The following HS6ST3 variants were observed in gnomAD, a reference collection of about 807,000 sequenced individuals.
HS6ST3 encodes heparan sulfate 6-O-sulfotransferase 3.
A neutral mutation model predicts 36.7 loss-of-function variants in HS6ST3; 12 were observed. That is an observed-to-expected ratio of 0.33 (90% CI 0.21 to 0.53). The LOEUF (loss-of-function observed/expected upper bound fraction) is 0.53. Among genes scored for constraint, HS6ST3 ranks in the 20% least tolerant of loss-of-function variants. The pLI, the probability that HS6ST3 is intolerant of heterozygous loss-of-function variation, is 0.95. For synonymous variants in HS6ST3, 240 were observed against 257.5 expected (o/e 0.93, Z 0.65); for missense variants, 584 against 640.9 (o/e 0.91, Z 0.96).
intron 1 of HS6ST3, among the ~76,000 whole-genome samples, chr13:96,535,679 T>C (rs1480918828): frequency 6.6e-6 from 1 of 151,992 alleles, no homozygotes; most frequent in East Asian, 1.9e-4. Flanking sequence ...AGTGAATAAT[T>C]AATATAATGG....
At chr13:96,143,850 G>C (rs1006258345) in intron 1 of HS6ST3, among the ~76,000 whole-genome samples, 2 of 152,132 alleles carry the variant, frequency 1.3e-5, no homozygotes, top group African/African-American at 4.8e-5. Flanking sequence ...GGATGATAGA[G>C]GGGGAGCAAT....
At chr13:96,436,104 C>T (rs914326392) in intron 1 of HS6ST3, among the ~76,000 whole-genome samples, 8 of 152,142 alleles carry the variant, frequency 5.3e-5, no homozygotes, top group Non-Finnish European at 1.2e-4. Flanking sequence ...TTAGAATGCC[C>T]AAGCACTCAT....
chr13:96,110,029 G>C (rs2053860558), intron 1 of HS6ST3, among the ~76,000 whole-genome samples: 1 of 152,218 alleles, frequency 6.6e-6, no homozygotes, highest in Non-Finnish European at 1.5e-5. Flanking sequence ...CAGAGTGGGA[G>C]AGGCTTCTGA....
chr13:96,479,539 G>A (rs973304881), intron 1 of HS6ST3, among the ~76,000 whole-genome samples: 1 of 152,182 alleles, frequency 6.6e-6, no homozygotes, highest in African/African-American at 2.4e-5. Flanking sequence ...GAGAGGCAGG[G>A]AGAGCTGTCC....
At chr13:96,573,925 G>A (rs919872201) in intron 1 of HS6ST3, 9 of 520,174 alleles carry the variant, frequency 1.7e-5, no homozygotes, top group South Asian at 5.7e-5. Flanking sequence ...CAAAGAATCC[G>A]GAGGTGACTG....
At chr13:96,132,008 A>G (rs1425331611) in intron 1 of HS6ST3, among the ~76,000 whole-genome samples, 2 of 152,034 alleles carry the variant, frequency 1.3e-5, no homozygotes, top group Non-Finnish European at 2.9e-5. Flanking sequence ...ATCATGTGGT[A>G]CTTGTCTTTG....
At chr13:96,235,107 T>C (rs1262345172) in intron 1 of HS6ST3, among the ~76,000 whole-genome samples, 1 of 152,176 alleles carries the variant, frequency 6.6e-6, no homozygotes, top group African/African-American at 2.4e-5. Context: ...AAGACCATGT[T>C]GTAGAAGAAT....
chr13:96,782,972 C>G (rs1877561783), intron 1 of HS6ST3, among the ~76,000 whole-genome samples: 1 of 152,048 alleles, frequency 6.6e-6, no homozygotes, highest in Non-Finnish European at 1.5e-5. Flanking sequence ...AAATTCTCAT[C>G]TATAAGAACA....
intron 1 of HS6ST3, among the ~76,000 whole-genome samples, chr13:96,578,684 C>T (rs1172212592): frequency 6.6e-6 from 1 of 152,128 alleles, no homozygotes; most frequent in African/African-American, 2.4e-5. Context: ...CTCAGCCTCC[C>T]AGGTAGCTGG....
intron 1 of HS6ST3, among the ~76,000 whole-genome samples, chr13:96,421,439 C>T (rs1321664739): frequency 6.6e-6 from 1 of 152,212 alleles, no homozygotes; most frequent in Non-Finnish European, 1.5e-5. Context: ...ATAATATTCA[C>T]TTACTTAGAA....
chr13:96,639,161 C>T (rs906226006), intron 1 of HS6ST3, among the ~76,000 whole-genome samples: 3 of 151,986 alleles, frequency 2.0e-5, no homozygotes, highest in African/African-American at 7.2e-5. Flanking sequence ...GTTAGAATTT[C>T]TGCTTCTCCC....
chr13:96,470,108 T>A (rs2055833477), intron 1 of HS6ST3, among the ~76,000 whole-genome samples: 1 of 152,178 alleles, frequency 6.6e-6, no homozygotes, highest in South Asian at 2.1e-4. Context: ...ACAGTAGTGC[T>A]AAAAATCTCC....
rs550455283 is a variant in HS6ST3 at position 96,154,091 on chromosome 13, C to T, written c.707+62522C>T. ...TATTTTATATAAAACAGCACACTATCGGGCACTTAGTGATTTTTCAGTGAA... is the reference window on the plus strand; with the variant it reads ...TATTTTATATAAAACAGCACACTATTGGGCACTTAGTGATTTTTCAGTGAA... On this transcript the variant is annotated intron_variant, in intron 1 of 1. Coordinates refer to ENST00000376705, the MANE Select transcript of HS6ST3 (RefSeq NM_153456.4). 5.3e-5 allele frequency among the ~76,000 whole-genome samples: 8 copies of T among 152,000 alleles called. No homozygotes were observed. In the South Asian group the frequency reaches 8.3e-4, roughly 16 times the overall value.
intron 1 of HS6ST3, among the ~76,000 whole-genome samples, chr13:96,284,111 G>A (rs1203364959): frequency 6.6e-6 from 1 of 152,172 alleles, no homozygotes; most frequent in Admixed American, 6.6e-5. Context: ...CAAGCACAAT[G>A]ATGAGCAATG....
At chr13:96,655,861 G>C (rs950317349) in intron 1 of HS6ST3, among the ~76,000 whole-genome samples, 1 of 152,046 alleles carries the variant, frequency 6.6e-6, no homozygotes, top group African/African-American at 2.4e-5. Context: ...CTTCTATCAG[G>C]CTTCTCAGGG....
rs141410497 is a variant in HS6ST3 at position 96,119,419 on chromosome 13, A to G, written c.707+27850A>G. Among the ~76,000 whole-genome samples the G allele has an allele frequency of 2.7e-3, 418 of 152,224 alleles. 3 individuals carry two copies. Among genetic ancestry groups the G allele is most frequent in the African/African-American group, 9.5e-3 (396 of 41,550 alleles). On this transcript the variant is annotated intron_variant, in intron 1 of 1. Transcript: ENST00000376705. ...TTTATTAAGTATAATTTAATAATAG[A>G]TATTGATTTACTTTGTAAATTATGA... is the stretch of plus-strand genomic sequence containing the variant.
chr13:96,190,557 C>T (rs2054284066), intron 1 of HS6ST3, among the ~76,000 whole-genome samples: 1 of 152,178 alleles, frequency 6.6e-6, no homozygotes, highest in South Asian at 2.1e-4. Flanking sequence ...TATTTACTGA[C>T]TCCTTACCCT....
At chr13:96,553,395 G>A (rs2056227107) in intron 1 of HS6ST3, among the ~76,000 whole-genome samples, 1 of 152,172 alleles carries the variant, frequency 6.6e-6, no homozygotes. Flanking sequence ...AGCCCAAGTC[G>A]AGATGCTGGG....
At chr13:96,105,867 T>C (rs1372336866) in intron 1 of HS6ST3, among the ~76,000 whole-genome samples, 2 of 152,232 alleles carry the variant, frequency 1.3e-5, no homozygotes, top group Non-Finnish European at 2.9e-5. Context: ...ATCATCATTA[T>C]GTAACTCATG....
Sources: gnomAD v4.1 joint callset for allele counts (sites outside exome capture counted in the v4.1 genomes callset) on GRCh38, gnomAD v4.1.1 for gene constraint, MANE v1.5 for transcripts, NCBI Gene and HGNC (gene_info 2026-07-23, HGNC 2026-07-21) for gene names.